Variants in DYNC2H1 observed in about 807,000 individuals in gnomAD.
DYNC2H1 encodes cytoplasmic dynein 2 heavy chain 1.
DYNC2H1 carries 410 observed loss-of-function variants against 570.0 expected under a neutral mutation model. The ratio of observed to expected loss-of-function variants is 0.72; its 90% confidence interval spans 0.66 to 0.78. The LOEUF is 0.78. DYNC2H1 is among the 30% of genes least tolerant of loss of function. The pLI, the probability that DYNC2H1 is intolerant of heterozygous loss-of-function variation, is 0.00. For synonymous variants in DYNC2H1, 1,688 were observed against 1,677.6 expected (o/e 1.01, Z -0.15); for missense variants, 4,865 against 5,046.4 (o/e 0.96, Z 1.09).
chr11:103,225,394 T>A lies in DYNC2H1; in HGVS notation c.9353+2308T>A, dbSNP rs145499221. ...ATGGTTATGGTTTCAGGTCTTAGAT[T>A]TAAGTCTATGATCCATCTTGAGTTA... On this transcript the variant is annotated intron_variant, in intron 59 of 88. Transcript: ENST00000375735. Among the ~76,000 whole-genome samples the A allele has an allele frequency of 8.1e-4, 124 of 152,298 alleles. 3 individuals are homozygous for A. Among genetic ancestry groups the A allele is most frequent in the African/African-American group, 2.9e-3 (120 of 41,562 alleles).
At chr11:103,160,888 G>A (rs368866908) in intron 28 of DYNC2H1, 44 bp from the exon 29 acceptor site, 84 of 1,112,068 alleles carry the variant, frequency 7.6e-5, no homozygotes, top group Non-Finnish European at 1.0e-4. Context: ...TAATAATTAT[G>A]TCTTTAATCC....
chr11:103,110,416 T>TG (rs1348191214), intron 1 of DYNC2H1, among the ~76,000 whole-genome samples: 47 of 152,074 alleles, frequency 3.1e-4, no homozygotes, highest in Non-Finnish European at 5.7e-4. Context: ...GTTTTTTTTT[T>TG]GGGGGGAAGG....
At chr11:103,120,401 A>G (rs779959562) in intron 6 of DYNC2H1, 46 bp from the exon 7 acceptor site, 7 of 1,479,202 alleles carry the variant, frequency 4.7e-6, no homozygotes, top group Middle Eastern at 1.9e-4. Context: ...ATTTATGCAA[A>G]TGGTTGGATT....
intron 25 of DYNC2H1, among the ~76,000 whole-genome samples, chr11:103,155,703 A>G (rs1860786474): frequency 6.6e-6 from 1 of 152,192 alleles, no homozygotes; most frequent in African/African-American, 2.4e-5. Context: ...GGATACACAA[A>G]TCCAGAGAGC....
At chr11:103,376,436 G>A (rs1241349515) in intron 83 of DYNC2H1, among the ~76,000 whole-genome samples, 1 of 152,104 alleles carries the variant, frequency 6.6e-6, no homozygotes, top group Non-Finnish European at 1.5e-5. Context: ...GTGTTGCTAA[G>A]CCTTGTTTAC....
At chr11:103,444,939 G>T (rs959802804) in intron 85 of DYNC2H1, among the ~76,000 whole-genome samples, 10 of 152,132 alleles carry the variant, frequency 6.6e-5, no homozygotes, top group Non-Finnish European at 1.3e-4. Flanking sequence ...TACATGGGAG[G>T]TCAGTAGAAG....
chr11:103,228,567 C>T lies in DYNC2H1; in HGVS notation c.9354-2693C>T, dbSNP rs933140749. 1.9e-4 allele frequency among the ~76,000 whole-genome samples: 29 copies of T among 152,146 alleles called. No homozygotes were observed. The highest frequency in any genetic ancestry group is 6.0e-4 in the African/African-American group (25 of 41,430). ...TCTTCAGGTATCTTAGCTGTGGATA[C>T]CAGCACCTGCTCCACTGGAGGTAGC... is the stretch of plus-strand genomic sequence containing the variant. On this transcript the variant is annotated intron_variant, in intron 59 of 88. Transcript: ENST00000375735. This position sits in a 1 kb window ranked among gnomAD's most constrained non-coding sequence, Gnocchi z 6.1.
At chr11:103,411,924 A>G (rs552517086) in intron 84 of DYNC2H1, among the ~76,000 whole-genome samples, 1 of 152,280 alleles carries the variant, frequency 6.6e-6, no homozygotes, top group South Asian at 2.1e-4. Context: ...ATTTGTTAAA[A>G]TTCTTTCAAA....
intron 82 of DYNC2H1, among the ~76,000 whole-genome samples, chr11:103,357,166 C>T (rs1226417704): frequency 2.0e-5 from 3 of 151,710 alleles, no homozygotes; most frequent in African/African-American, 4.8e-5. Context: ...GTACTATTCT[C>T]GATCATTAAC....
At chr11:103,376,553 G>A (rs559757063) in intron 83 of DYNC2H1, among the ~76,000 whole-genome samples, 1 of 152,048 alleles carries the variant, frequency 6.6e-6, no homozygotes, top group Non-Finnish European at 1.5e-5. Context: ...AGCTGATAAT[G>A]TAACTTTGGT....
Position 103,280,167 on chromosome 11 carries a change from C to A in DYNC2H1, c.10696-181C>A, listed in dbSNP as rs540998206. ...TGATCACTTACTTACTCTGACCCCA[C>A]CCCTGACTTGAAGTGTCTCTAAGAT... On this transcript the variant is annotated intron_variant, in intron 70 of 88. Transcript: ENST00000375735. This position sits in a 1 kb window ranked among gnomAD's most constrained non-coding sequence, Gnocchi z 4.7. Among the ~76,000 whole-genome samples, 11 of 152,116 alleles carry A rather than the reference C, an allele frequency of 7.2e-5. No individual in the cohort carries two copies. Among genetic ancestry groups the A allele is most frequent in the Admixed American group, 7.2e-4 (11 of 15,266 alleles).
rs1450104268 is a variant in DYNC2H1 at position 103,139,709 on chromosome 11, G to A, written c.2575-3559G>A. On this transcript the variant is annotated intron_variant, in intron 17 of 88. Coordinates refer to ENST00000375735, the MANE Select transcript of DYNC2H1 (RefSeq NM_001377.3). ...ATATTCTGTTGATCTGGGGTGGAGA[G>A]TTCTGTAGATGTCTATTAGGTCCAC... Among the ~76,000 whole-genome samples the A allele has an allele frequency of 2.0e-5, 3 of 151,876 alleles. No individual in the cohort carries two copies. The East Asian group carries it at 5.8e-4, about 29-fold the overall frequency.
In DYNC2H1 at chr11:103,151,986, A is replaced by G. The variant is rs1307189485; in HGVS notation, c.2947-150A>G. On this transcript the variant is annotated intron_variant, in intron 20 of 88. Coordinates refer to ENST00000375735, the MANE Select transcript of DYNC2H1 (RefSeq NM_001377.3). The surrounding 1 kb of genome is among the most constrained non-coding windows in gnomAD (Gnocchi z 4.6). The stretch of plus-strand genomic sequence containing the variant: ...TCCAGGAATTTTTTTCTGCCAAATC[A>G]GAATATATAGGAATTTAACAAACTG... The G allele has an allele frequency of 3.4e-6, 3 of 881,252 alleles. No homozygotes were observed. In the African/African-American group the frequency reaches 5.2e-5, roughly 15 times the overall value. The allele number at this position is 881,252 out of a possible 1,614,324, so 54.6% of individuals were successfully genotyped here.
chr11:103,426,902 C>A (rs926083915), intron 84 of DYNC2H1, among the ~76,000 whole-genome samples: 22 of 151,982 alleles, frequency 1.4e-4, no homozygotes, highest in African/African-American at 5.1e-4. Flanking sequence ...TATTTTTGTG[C>A]CATTTTGCAT....
intron 15 of DYNC2H1, among the ~76,000 whole-genome samples, 179 bp from the exon 16 acceptor site, chr11:103,135,316 A>G (rs774874513): frequency 1.3e-5 from 2 of 152,162 alleles, no homozygotes; most frequent in Non-Finnish European, 2.9e-5. Flanking sequence ...AGATTTTCAT[A>G]TTTGTCTCTA....
intron 85 of DYNC2H1, among the ~76,000 whole-genome samples, chr11:103,438,880 G>T (rs1427152526): frequency 2.6e-5 from 4 of 152,062 alleles, no homozygotes; most frequent in Admixed American, 2.6e-4. Context: ...ACAGTGGCAT[G>T]TGTCTATAGT....
At chr11:103,323,865 T>A in intron 81 of DYNC2H1, 21 bp from the exon 82 acceptor site, 1 of 1,582,940 alleles carries the variant, frequency 6.3e-7, no homozygotes, top group Non-Finnish European at 8.6e-7. Context: ...AAAAAACTGT[T>A]TTTCACTTCT....
chr11:103,414,125 CA>C lies in DYNC2H1; in HGVS notation c.12366+14254del, dbSNP rs570230063. Among the ~76,000 whole-genome samples, 231 of 152,038 alleles carry C rather than the reference CA, an allele frequency of 1.5e-3. 2 individuals are homozygous for C. Among genetic ancestry groups the C allele is most frequent in the Non-Finnish European group, 2.6e-3 (175 of 67,968 alleles). On this transcript the variant is annotated intron_variant, in intron 84 of 88. Coordinates refer to ENST00000375735, the MANE Select transcript of DYNC2H1 (RefSeq NM_001377.3). ...GTATGCATAATGAGCCAAAATAGGA[CA>C]TAAGATGGAAACATAACCTTTATCA...
Position 103,468,606 on chromosome 11 carries a change from A to G in DYNC2H1, c.12666A>G (p.Leu4222=). Residue 4222 remains leucine (L), a synonymous_variant, in exon 88 of 89, where the codon CTA becomes CTG. Coordinates refer to ENST00000375735, the MANE Select transcript of DYNC2H1 (RefSeq NM_001377.3). ...CATGGCAGATCAGTGGCTTGTTACT[A>G]GAAGGATGTAGTTTTGATGGAAATC... The part of the protein sequence containing the change: ...KLQIKISGLL[L]EGCSFDGNQL... 6.2e-7 allele frequency: 1 copy of G among 1,613,264 alleles called. No homozygotes were observed. The highest frequency in any genetic ancestry group is 1.1e-5 in the South Asian group (1 of 90,946).
Sources: gnomAD v4.1 joint callset for allele counts (sites outside exome capture counted in the v4.1 genomes callset) on GRCh38, gnomAD v4.1.1 for gene constraint, Gnocchi (gnomAD v3.1) non-coding constraint, MANE v1.5 for transcripts, NCBI Gene and HGNC (gene_info 2026-07-23, HGNC 2026-07-21) for gene names.